DIAPH2: variants seen among roughly 807,000 people sequenced by gnomAD.
DIAPH2 encodes diaphanous related formin 2.
In DIAPH2, 35 loss-of-function variants were observed where a neutral mutation model predicts 92.7. The ratio of observed to expected loss-of-function variants is 0.38; its 90% CI spans 0.29 to 0.50. The LOEUF (loss-of-function observed/expected upper bound fraction) is 0.50, where lower values mean the gene tolerates loss of function less well. Among genes scored for constraint, DIAPH2 ranks in the 20% least tolerant of loss-of-function variants. The pLI, the probability that DIAPH2 is intolerant of heterozygous loss-of-function variation, is 0.94. For synonymous variants in DIAPH2, 301 were observed against 280.4 expected (o/e 1.07, Z -0.73); for missense variants, 701 against 819.5 (o/e 0.86, Z 1.77).
chrX:97,100,152 G>T (rs889858662), intron 20 of DIAPH2, among the ~76,000 whole-genome samples: 7 of 110,402 alleles, frequency 6.3e-5, no homozygotes, highest in African/African-American at 2.3e-4. Flanking sequence ...CCTCCAAAAA[G>T]TAGGTTAAAA....
rs1211696752 is a variant in DIAPH2, at chrX:97,444,528, T to C, written c.3241+14783T>C. Among the ~76,000 whole-genome samples, 5 of 111,806 alleles carry C rather than the reference T, an allele frequency of 4.5e-5. No homozygotes were observed. The East Asian group carries it at 1.1e-3, about 25-fold the overall frequency. ...TCAAAAGTGTACATGTTTATCTTTTTTCATAATAAACCGATAGATTATCTC... is the reference window on the plus strand; with the variant it reads ...TCAAAAGTGTACATGTTTATCTTTTCTCATAATAAACCGATAGATTATCTC... On this transcript the variant is annotated intron_variant, in intron 26 of 26. Coordinates refer to ENST00000324765, the MANE Select transcript of DIAPH2 (RefSeq NM_006729.5).
intron 17 of DIAPH2, among the ~76,000 whole-genome samples, chrX:96,994,001 G>A (rs1261046085): frequency 9.0e-6 from 1 of 111,543 alleles, no homozygotes; most frequent in African/African-American, 3.3e-5. Context: ...GTACATTGGA[G>A]ACAACTGGTA....
intron 15 of DIAPH2, among the ~76,000 whole-genome samples, chrX:96,949,494 T>G (rs1194905248): frequency 9.2e-6 from 1 of 109,277 alleles, no homozygotes; most frequent in East Asian, 2.9e-4. Flanking sequence ...TGTCTAAACT[T>G]TCAAACTGAT....
chrX:97,165,468 C>G (rs1462094594), intron 22 of DIAPH2, among the ~76,000 whole-genome samples: 1 of 111,291 alleles, frequency 9.0e-6, no homozygotes, highest in Non-Finnish European at 1.9e-5. Flanking sequence ...TACTCTGATG[C>G]AATTCTGTAT....
intron 21 of DIAPH2, among the ~76,000 whole-genome samples, chrX:97,117,828 T>G (rs1331455651): frequency 8.9e-6 from 1 of 111,966 alleles, no homozygotes; most frequent in Non-Finnish European, 1.9e-5. Flanking sequence ...TATCACTTTG[T>G]GAGTCACCAA....
rs1416765656 is a variant in DIAPH2, at chrX:96,717,818, A to ATG, written c.133-17939_133-17938insGT. Among the ~76,000 whole-genome samples the ATG allele has an allele frequency of 8.4e-4, 5 of 5,973 alleles. No homozygotes were observed. In the South Asian group the frequency reaches 0.042, roughly 50 times the overall value. 5.2% of individuals were successfully genotyped at this position (5,973 alleles called of 115,157 possible). On this transcript the variant is annotated intron_variant, in intron 1 of 26. Coordinates refer to ENST00000324765, the MANE Select transcript of DIAPH2 (RefSeq NM_006729.5). The stretch of plus-strand genomic sequence containing the variant: ...TTTTTAATTTTTGTGGGTATATAGT[A>ATG]TATATATATATATATATATATATAT...
intron 4 of DIAPH2, among the ~76,000 whole-genome samples, chrX:96,851,278 T>G (rs1251021294): frequency 1.8e-5 from 2 of 111,466 alleles, no homozygotes; most frequent in Non-Finnish European, 3.8e-5. Flanking sequence ...ATTTTTTGTA[T>G]TTTTGGTAGA....
At chrX:97,522,853 C>G (rs2071000473) in intron 26 of DIAPH2, among the ~76,000 whole-genome samples, 1 of 112,599 alleles carries the variant, frequency 8.9e-6, no homozygotes, top group African/African-American at 3.2e-5. Context: ...TGTTCACAGA[C>G]CTCCCTAGTG....
At chrX:97,534,755 T>G (rs2071083892) in intron 26 of DIAPH2, among the ~76,000 whole-genome samples, 1 of 111,641 alleles carries the variant, frequency 9.0e-6, no homozygotes, top group South Asian at 3.8e-4. Context: ...GTTACTTCAT[T>G]AAGTCTCTAA....
At chrX:96,970,268 A>C (rs1415657411) in intron 17 of DIAPH2, among the ~76,000 whole-genome samples, 2 of 111,655 alleles carry the variant, frequency 1.8e-5, no homozygotes, top group Non-Finnish European at 3.8e-5. Context: ...CAATGTTTTG[A>C]AACAGTTTCA....
chrX:96,912,676 G>A, intron 7 of DIAPH2, 124 bp downstream of exon 7: 1 of 805,935 alleles, frequency 1.2e-6, no homozygotes. Context: ...ATGTATATAG[G>A]CGAACATGTG....
At chrX:97,212,110 A>T (rs189510091) in intron 22 of DIAPH2, among the ~76,000 whole-genome samples, 2 of 111,828 alleles carry the variant, frequency 1.8e-5, no homozygotes, top group Non-Finnish European at 3.8e-5. Context: ...TGGAATGATA[A>T]ATTTTAGTTC....
In DIAPH2 at chrX:97,082,495, G is replaced by A. The variant is rs1019600342; in HGVS notation, c.2247+7234G>A. Among the ~76,000 whole-genome samples, 4 of 109,231 alleles carry A rather than the reference G, an allele frequency of 3.7e-5. No individual in the cohort carries two copies. The East Asian group carries it at 1.2e-3, about 32-fold the overall frequency. The allele number at this position is 109,231 out of a possible 115,157, so 94.9% of individuals were successfully genotyped here. A position where few individuals can be genotyped will look rare whatever the true frequency, so the allele number is the denominator to read the frequency against. On this transcript the variant is annotated intron_variant, in intron 19 of 26. Transcript: ENST00000324765. ...AAAAATACAAAAATTAGTCAGGTGT[G>A]GGGGCGCACGCCTATAGTACCAGCT...
chrX:97,273,615 A>T (rs2068409236), intron 23 of DIAPH2, among the ~76,000 whole-genome samples: 1 of 112,093 alleles, frequency 8.9e-6, no homozygotes, highest in African/African-American at 3.2e-5. Context: ...TGTGTGTAAA[A>T]CAGGTTTGGA....
chrX:97,420,725 T>G (rs1348486735), intron 25 of DIAPH2, among the ~76,000 whole-genome samples: 1 of 112,123 alleles, frequency 8.9e-6, no homozygotes, highest in Non-Finnish European at 1.9e-5. Context: ...TTTACAAACT[T>G]TCGACTACCA....
At chrX:97,554,763 G>A (rs2071245528) in intron 26 of DIAPH2, among the ~76,000 whole-genome samples, 1 of 111,971 alleles carries the variant, frequency 8.9e-6, no homozygotes, top group Admixed American at 9.5e-5. Flanking sequence ...CAGATTATAT[G>A]TTTCCCAAGG....
At chrX:97,557,080 T>C (rs1192954413) in intron 26 of DIAPH2, among the ~76,000 whole-genome samples, 1 of 111,866 alleles carries the variant, frequency 8.9e-6, no homozygotes, top group Admixed American at 9.5e-5. Context: ...TGGAAAAATA[T>C]GTATAAAAAC....
intron 25 of DIAPH2, among the ~76,000 whole-genome samples, chrX:97,422,570 C>T (rs747031572): frequency 1.8e-5 from 2 of 112,042 alleles, no homozygotes; most frequent in Non-Finnish European, 3.8e-5. Context: ...AGCAGCTCAA[C>T]TTTTGCAGAA....
chrX:97,301,110 C>T (rs1322316802), intron 23 of DIAPH2, among the ~76,000 whole-genome samples: 1 of 96,404 alleles, frequency 1.0e-5, no homozygotes, highest in African/African-American at 3.9e-5. Context: ...GACATCGCGC[C>T]ACTGCACTCC....
Sources: allele counts gnomAD v4.1 joint callset (sites outside exome capture counted in the v4.1 genomes callset), GRCh38; gene constraint gnomAD v4.1.1; transcripts MANE v1.5; gene names NCBI Gene and HGNC (gene_info 2026-07-23, HGNC 2026-07-21).